Variants in POU6F2 observed in about 807,000 individuals in gnomAD.
The protein encoded by POU6F2 is POU class 6 homeobox 2, also known as POU domain, class 6, transcription factor 2.
In POU6F2, 31 loss-of-function variants were observed where a neutral mutation model predicts 71.3. The observed-to-expected ratio is 0.43, with a 90% CI of 0.33 to 0.59. The LOEUF (loss-of-function observed/expected upper bound fraction) is 0.59. POU6F2 is among the 20% of genes least tolerant of loss of function. The pLI is 0.04. For missense variants in POU6F2, 783 were observed against 856.8 expected (o/e 0.91, Z 1.07); for synonymous variants, 347 against 355.7 (o/e 0.98, Z 0.27).
intron 6 of POU6F2, among the ~76,000 whole-genome samples, chr7:39,415,813 G>A (rs1787660595): frequency 6.6e-6 from 1 of 152,132 alleles, no homozygotes; most frequent in Non-Finnish European, 1.5e-5. Flanking sequence ...GTTCATGGTA[G>A]GTTTGACTAT....
chr7:39,238,995 G>C (rs1562758847), intron 4 of POU6F2, among the ~76,000 whole-genome samples: 2 of 152,298 alleles, frequency 1.3e-5, no homozygotes, highest in East Asian at 1.9e-4. Flanking sequence ...GCAAGTCAGA[G>C]TAGGGAGGGA....
At chr7:39,389,512 T>A (rs1787020388) in intron 5 of POU6F2, among the ~76,000 whole-genome samples, 2 of 152,210 alleles carry the variant, frequency 1.3e-5, no homozygotes. Context: ...TTGTGAAGGA[T>A]AGCAATTGAT....
intron 7 of POU6F2, among the ~76,000 whole-genome samples, chr7:39,440,675 C>T (rs4554374): frequency 0.34 from 51,212 of 152,056 alleles, 9,641 homozygotes; most frequent in East Asian, 0.58. Context: ...TCTTCTGATA[C>T]TTCTGTCAAT....
chr7:39,234,070 A>C (rs1351371220), intron 4 of POU6F2, among the ~76,000 whole-genome samples: 1 of 152,214 alleles, frequency 6.6e-6, no homozygotes, highest in East Asian at 1.9e-4. Flanking sequence ...AGCATACAGC[A>C]CTATAAGAGC....
intron 4 of POU6F2, among the ~76,000 whole-genome samples, chr7:39,327,439 T>C (rs1360264615): frequency 6.6e-6 from 1 of 152,048 alleles, no homozygotes; most frequent in Non-Finnish European, 1.5e-5. Flanking sequence ...GCTTGACATA[T>C]GGATTAACAC....
intron 4 of POU6F2, among the ~76,000 whole-genome samples, chr7:39,235,508 G>A (rs1308544291): frequency 6.6e-6 from 1 of 152,128 alleles, no homozygotes; most frequent in Admixed American, 6.5e-5. Context: ...TCTCCTGCCA[G>A]TCCACTGGGC....
In POU6F2 at chr7:39,460,628, G is replaced by C. The variant is rs753589700; in HGVS notation, c.1571G>C (p.Arg524Pro). 6.2e-7 allele frequency: 1 copy of C among 1,610,520 alleles called. No homozygotes were observed. The highest frequency in any genetic ancestry group is 1.1e-5 in the South Asian group (1 of 90,164). The change falls in exon 9 of 10, where the codon CGC (arginine) becomes CCC (proline). Residue 524 changes from arginine to proline, a missense_variant. Arg to Pro is a moderately radical substitution (Grantham distance 103, BLOSUM62 -2). Transcript: ENST00000518318. This position sits in a 1 kb window ranked among gnomAD's most constrained non-coding sequence, Gnocchi z 4.4. ...REFAKAFKIRRLSLGLTQTQV... is the reference protein window; with the variant it reads ...REFAKAFKIRPLSLGLTQTQV... ...TTTGCCAAAGCTTTTAAAATCCGGC[G>C]CCTGTCCCTTGGCCTGACCCAGACT...
chr7:39,245,211 A>C (rs1175012336), intron 4 of POU6F2, among the ~76,000 whole-genome samples: 1 of 152,248 alleles, frequency 6.6e-6, no homozygotes, highest in Non-Finnish European at 1.5e-5. Flanking sequence ...CTGGCCCTGC[A>C]TTAAGATCTT....
chr7:39,318,044 GT>G (rs948487250), intron 4 of POU6F2, among the ~76,000 whole-genome samples: 9 of 151,998 alleles, frequency 5.9e-5, no homozygotes, highest in Admixed American at 1.3e-4. Context: ...ACTTACAAGG[GT>G]TTTTTTCTCT....
At chr7:39,163,216 A>G (rs894046371) in intron 2 of POU6F2, among the ~76,000 whole-genome samples, 7 of 152,234 alleles carry the variant, frequency 4.6e-5, no homozygotes, top group Non-Finnish European at 1.0e-4. Context: ...TCAAGAAATC[A>G]TATCTCCCAA....
rs142451402 is a variant in POU6F2 at position 39,312,564 on chromosome 7, G to A, written c.599-27078G>A. 5.9e-5 allele frequency among the ~76,000 whole-genome samples: 9 copies of A among 152,294 alleles called. No individual in the cohort carries two copies. The East Asian group carries it at 7.7e-4, about 13-fold the overall frequency. On this transcript the variant is annotated intron_variant, in intron 4 of 9. Coordinates refer to ENST00000518318, the MANE Select transcript of POU6F2 (RefSeq NM_001370959.1). ...CCAAGACCCCTAGCTGCCTGAAACCGCAAGTAGCATCAAACCCTCTATGTA... is the reference window on the plus strand; with the variant it reads ...CCAAGACCCCTAGCTGCCTGAAACCACAAGTAGCATCAAACCCTCTATGTA...
chr7:39,290,842 C>T (rs538398185), intron 4 of POU6F2, among the ~76,000 whole-genome samples: 3 of 152,252 alleles, frequency 2.0e-5, no homozygotes, highest in African/African-American at 7.2e-5. Flanking sequence ...ACTCACACCA[C>T]GTGGCTGCCA....
chr7:39,355,872 GAA>G (rs1203914145), intron 5 of POU6F2, among the ~76,000 whole-genome samples: 1 of 152,112 alleles, frequency 6.6e-6, no homozygotes, highest in Non-Finnish European at 1.5e-5. Context: ...AAGTGAAAGG[GAA>G]AGAGAAACAG....
At chr7:39,273,314 C>A (rs1346371634) in intron 4 of POU6F2, among the ~76,000 whole-genome samples, 1 of 152,042 alleles carries the variant, frequency 6.6e-6, no homozygotes, top group African/African-American at 2.4e-5. Context: ...ATGACTTAAC[C>A]AAATGATGAA....
chr7:39,455,754 ACT>A (rs1167847401), intron 8 of POU6F2, among the ~76,000 whole-genome samples: 3 of 151,966 alleles, frequency 2.0e-5, no homozygotes, highest in African/African-American at 4.8e-5. Context: ...ATAAAGCAAA[ACT>A]CTGTCTGACT....
intron 4 of POU6F2, among the ~76,000 whole-genome samples, chr7:39,284,951 A>G (rs1406666065): frequency 6.6e-6 from 1 of 152,190 alleles, no homozygotes; most frequent in East Asian, 1.9e-4. Context: ...AGGATCCACA[A>G]GAAGGCTGGA....
intron 4 of POU6F2, among the ~76,000 whole-genome samples, chr7:39,246,905 C>CTTTGTTTTTTTTTTT: frequency 1.3e-5 from 1 of 78,156 alleles, no homozygotes; most frequent in East Asian, 4.3e-4. Flanking sequence ...TCCAGGGTGG[C>CTTTGTTTTTTTTTTT]TTTTTTTTTT....
chr7:39,324,747 A>G (rs979154268), intron 4 of POU6F2, among the ~76,000 whole-genome samples: 9 of 152,204 alleles, frequency 5.9e-5, no homozygotes, highest in African/African-American at 2.2e-4. Context: ...TGATGCAACC[A>G]TATTACATCC....
chr7:39,462,151 G>T (rs1398162025), intron 9 of POU6F2, among the ~76,000 whole-genome samples: 1 of 152,116 alleles, frequency 6.6e-6, no homozygotes, highest in Non-Finnish European at 1.5e-5. Flanking sequence ...CACTTCTTGG[G>T]CATTCCCAAT....
Sources: allele counts gnomAD v4.1 joint callset (sites outside exome capture counted in the v4.1 genomes callset), GRCh38; gene constraint gnomAD v4.1.1; non-coding constraint Gnocchi (gnomAD v3.1); transcripts MANE v1.5; gene names NCBI Gene and HGNC (gene_info 2026-07-23, HGNC 2026-07-21).